CNTN4: variants seen among roughly 807,000 people sequenced by gnomAD.
CNTN4 encodes contactin-4.
Under a neutral mutation model 122.5 loss-of-function variants are expected in CNTN4, and 77 were observed. The observed-to-expected ratio is 0.63, with a 90% CI of 0.52 to 0.76. The LOEUF is 0.76. Ranked by LOEUF, CNTN4 falls within the 30% of genes least tolerant of loss-of-function variation. The pLI is 0.00. For synonymous variants in CNTN4, 512 were observed against 447.0 expected (o/e 1.15, Z -1.83); for missense variants, 1,256 against 1,259.1 (o/e 1.00, Z 0.04).
At chr3:2,444,023 CT>C (rs1162514631) in intron 3 of CNTN4, among the ~76,000 whole-genome samples, 16 of 152,104 alleles carry the variant, frequency 1.1e-4, no homozygotes, top group Non-Finnish European at 1.5e-5. Context: ...CCCCAGCCAC[CT>C]TAATTTACAC....
chr3:2,647,197 A>G (rs952638579), intron 4 of CNTN4, among the ~76,000 whole-genome samples: 2 of 152,088 alleles, frequency 1.3e-5, no homozygotes, highest in African/African-American at 4.8e-5. Flanking sequence ...CCTGGCCAAC[A>G]TGGTGAGACC....
chr3:2,260,882 C>T (rs938649581), intron 2 of CNTN4, among the ~76,000 whole-genome samples: 3 of 151,782 alleles, frequency 2.0e-5, no homozygotes, highest in Non-Finnish European at 4.4e-5. Flanking sequence ...TGCCCACCGC[C>T]ACGCTTGGCT....
intron 6 of CNTN4, among the ~76,000 whole-genome samples, chr3:2,762,242 C>T (rs1483622169): frequency 6.6e-6 from 1 of 152,180 alleles, no homozygotes; most frequent in East Asian, 1.9e-4. Flanking sequence ...TTCAGGAATA[C>T]ACGTGCAGGT....
At chr3:2,290,922 A>G (rs1188739184) in intron 2 of CNTN4, among the ~76,000 whole-genome samples, 1 of 152,206 alleles carries the variant, frequency 6.6e-6, no homozygotes. Flanking sequence ...AATCGACACT[A>G]TAGGATTTTT....
At chr3:2,606,153 C>A (rs1290711992) in intron 4 of CNTN4, among the ~76,000 whole-genome samples, 2 of 152,114 alleles carry the variant, frequency 1.3e-5, no homozygotes, top group African/African-American at 4.8e-5. Flanking sequence ...CAAAGTGGTT[C>A]TGTATTGATA....
At chr3:2,362,410 C>G (rs1502572) in intron 3 of CNTN4, 236,135 of 347,030 alleles carry the variant, frequency 0.68, 81,759 homozygotes, top group East Asian at 0.87. Flanking sequence ...GGGTGTAGCC[C>G]CAACCATCTT....
At chr3:2,196,350 C>T (rs573532401) in intron 2 of CNTN4, among the ~76,000 whole-genome samples, 1 of 152,294 alleles carries the variant, frequency 6.6e-6, no homozygotes, top group Non-Finnish European at 1.5e-5. Context: ...ATCCTGGCTT[C>T]TATCATGGAC....
chr3:2,105,977 G>T (rs2032404865), intron 2 of CNTN4, among the ~76,000 whole-genome samples: 1 of 152,210 alleles, frequency 6.6e-6, no homozygotes, highest in South Asian at 2.1e-4. Context: ...CCAAAACAAA[G>T]GGGCTACAGG....
At chr3:2,681,002 C>T (rs2150486085) in intron 4 of CNTN4, among the ~76,000 whole-genome samples, 1 of 152,250 alleles carries the variant, frequency 6.6e-6, no homozygotes, top group East Asian at 1.9e-4. Context: ...AATATCATAT[C>T]TATGGCTAAA....
rs139865854 is a variant in CNTN4, at chr3:2,180,445, G to C, written c.-145+79806G>C. Reference sequence around the variant, plus strand: ...GCTATCATCTTTGACCACAGATTTTGTCTCATGCTTTTCAAATAAGAAACA... The same window carrying C: ...GCTATCATCTTTGACCACAGATTTTCTCTCATGCTTTTCAAATAAGAAACA... On this transcript the variant is annotated intron_variant, in intron 2 of 24. Transcript: ENST00000418658. Among the ~76,000 whole-genome samples, 212 of 152,070 alleles carry C rather than the reference G, an allele frequency of 1.4e-3. 1 individual carries two copies. Among genetic ancestry groups the C allele is most frequent in the Middle Eastern group, 3.4e-3 (1 of 294 alleles).
At chr3:2,726,932 G>C (rs1380653408) in intron 4 of CNTN4, among the ~76,000 whole-genome samples, 4 of 152,166 alleles carry the variant, frequency 2.6e-5, no homozygotes. Context: ...AAGGAGTGTA[G>C]GCAAACTCTC....
Position 2,930,908 on chromosome 3 carries a change from G to A in CNTN4, c.1358+5129G>A, listed in dbSNP as rs186455862. 1.2e-3 allele frequency among the ~76,000 whole-genome samples: 183 copies of A among 152,274 alleles called. 1 individual carries two copies. The highest frequency in any genetic ancestry group is 4.1e-3 in the African/African-American group (172 of 41,558). On this transcript the variant is annotated intron_variant, in intron 13 of 24. Coordinates refer to ENST00000418658, the MANE Select transcript of CNTN4 (RefSeq NM_175607.3). ...AATATAAATTTTTCAACAATCCTGA[G>A]GCATATGTTATAAAGGTGATGTATT...
chr3:2,332,724 G>C (rs1157171863), intron 2 of CNTN4, among the ~76,000 whole-genome samples: 6 of 144,426 alleles, frequency 4.2e-5, no homozygotes, highest in Middle Eastern at 7.1e-3. Flanking sequence ...ACTGTTGTGG[G>C]GTGGGGGGAG....
chr3:2,230,096 A>G (rs565993981), intron 2 of CNTN4, among the ~76,000 whole-genome samples: 1 of 152,340 alleles, frequency 6.6e-6, no homozygotes, highest in East Asian at 1.9e-4. Flanking sequence ...TTTTGAAAAG[A>G]TACCATTTCT....
intron 3 of CNTN4, among the ~76,000 whole-genome samples, chr3:2,406,110 C>A (rs2151000017): frequency 6.6e-6 from 1 of 151,894 alleles, no homozygotes; most frequent in East Asian, 1.9e-4. Context: ...CATGCTAAAT[C>A]TTGTGGATGA....
chr3:2,716,223 G>T (rs888384291), intron 4 of CNTN4, among the ~76,000 whole-genome samples: 9 of 151,820 alleles, frequency 5.9e-5, no homozygotes, highest in African/African-American at 2.2e-4. Context: ...ACATATACTT[G>T]TTTAAATTTA....
At chr3:2,877,670 C>G (rs987064297) in intron 8 of CNTN4, among the ~76,000 whole-genome samples, 1 of 151,954 alleles carries the variant, frequency 6.6e-6, no homozygotes, top group Non-Finnish European at 1.5e-5. Flanking sequence ...TTTAATAGTT[C>G]GAAGATGAAA....
intron 2 of CNTN4, among the ~76,000 whole-genome samples, chr3:2,281,988 T>A (rs910768507): frequency 6.6e-6 from 1 of 152,162 alleles, no homozygotes; most frequent in Non-Finnish European, 1.5e-5. Flanking sequence ...ATAGCCACTC[T>A]TTTTTGCTTT....
intron 14 of CNTN4, among the ~76,000 whole-genome samples, chr3:3,000,197 A>G (rs896360697): frequency 2.6e-5 from 4 of 151,844 alleles, no homozygotes. Flanking sequence ...AAAAAAATTA[A>G]ATCTAGAACA....
Sources: allele counts gnomAD v4.1 joint callset (sites outside exome capture counted in the v4.1 genomes callset), GRCh38; gene constraint gnomAD v4.1.1; transcripts MANE v1.5; gene names NCBI Gene and HGNC (gene_info 2026-07-23, HGNC 2026-07-21).